NHEJ1: variants seen among roughly 807,000 people sequenced by gnomAD.
The protein encoded by NHEJ1 is non-homologous end joining factor 1.
A neutral mutation model predicts 39.4 loss-of-function variants in NHEJ1; 22 were observed. The ratio of observed to expected loss-of-function variants is 0.56; its 90% CI spans 0.40 to 0.80. The LOEUF is 0.80. Ranked by LOEUF, NHEJ1 falls within the 30% of genes least tolerant of loss-of-function variation. NHEJ1 has a pLI of 0.00. For synonymous variants in NHEJ1, 154 were observed against 135.6 expected (o/e 1.14, Z -0.94); for missense variants, 329 against 357.1 (o/e 0.92, Z 0.63).
intron 5 of NHEJ1, among the ~76,000 whole-genome samples, chr2:219,130,503 G>A (rs908041130): frequency 3.2e-4 from 6 of 18,908 alleles, no homozygotes; most frequent in South Asian, 1.3e-3. Context: ...AAAACAGAGC[G>A]GTAAATAGGG....
intron 5 of NHEJ1, among the ~76,000 whole-genome samples, chr2:219,099,910 G>A (rs1001204276): frequency 5.3e-5 from 8 of 152,184 alleles, no homozygotes; most frequent in Non-Finnish European, 2.9e-5. Flanking sequence ...GTAGGGCCCA[G>A]AAACCGGGGA....
At chr2:219,099,499 T>C (rs1949236909) in intron 5 of NHEJ1, among the ~76,000 whole-genome samples, 1 of 152,120 alleles carries the variant, frequency 6.6e-6, no homozygotes, top group African/African-American at 2.4e-5. Flanking sequence ...AAGGCAATAG[T>C]GAGTCAGGAG....
intron 5 of NHEJ1, among the ~76,000 whole-genome samples, chr2:219,119,666 T>A (rs1213295062): frequency 6.6e-6 from 1 of 152,126 alleles, no homozygotes; most frequent in Non-Finnish European, 1.5e-5. Flanking sequence ...GTAGAACAGA[T>A]CTTTGAATTG....
At chr2:219,157,386 G>A in intron 3 of NHEJ1, 86 bp downstream of exon 3, 1 of 1,195,166 alleles carries the variant, frequency 8.4e-7, no homozygotes, top group Non-Finnish European at 1.2e-6. Context: ...TTCAAACAAG[G>A]TTTGCAAAAA....
At chr2:219,076,544 GT>G in intron 7 of NHEJ1, 89 bp from the exon 8 acceptor site, 1 of 893,734 alleles carries the variant, frequency 1.1e-6, no homozygotes, top group Non-Finnish European at 1.7e-6. Flanking sequence ...ATGGCTCCTG[GT>G]TAGGATGAGG....
chr2:219,139,457 C>T (rs1574736541), intron 5 of NHEJ1, among the ~76,000 whole-genome samples: 1 of 152,182 alleles, frequency 6.6e-6, no homozygotes, highest in East Asian at 1.9e-4. Context: ...ATGGACAGGC[C>T]ACATAGCAAG....
intron 5 of NHEJ1, among the ~76,000 whole-genome samples, chr2:219,114,015 A>G (rs954491951): frequency 6.6e-6 from 1 of 152,198 alleles, no homozygotes; most frequent in African/African-American, 2.4e-5. Flanking sequence ...CTAGGCTAGG[A>G]AAGTGGGGCA....
At chr2:219,124,384 C>A (rs1949497451) in intron 5 of NHEJ1, among the ~76,000 whole-genome samples, 1 of 151,986 alleles carries the variant, frequency 6.6e-6, no homozygotes, top group Non-Finnish European at 1.5e-5. Flanking sequence ...CATATCTGAC[C>A]GTTTTGAAAT....
intron 3 of NHEJ1, among the ~76,000 whole-genome samples, chr2:219,153,438 C>A (rs747837259): frequency 1.3e-4 from 20 of 152,070 alleles, no homozygotes; most frequent in Admixed American, 9.2e-4. Context: ...AATCTGAAAG[C>A]TAAAATGTGG....
At chr2:219,136,964 T>A (rs536097142) in intron 5 of NHEJ1, among the ~76,000 whole-genome samples, 62 of 151,846 alleles carry the variant, frequency 4.1e-4, no homozygotes, top group African/African-American at 1.3e-3. Context: ...ACAATTTTTT[T>A]AAAAAATTAC....
intron 5 of NHEJ1, among the ~76,000 whole-genome samples, chr2:219,118,888 G>A (rs1949443186): frequency 6.6e-6 from 1 of 152,168 alleles, no homozygotes; most frequent in South Asian, 2.1e-4. Context: ...AATGGCGGCT[G>A]GTGGGAGCTG....
chr2:219,124,157 C>T (rs1949495651), intron 5 of NHEJ1, among the ~76,000 whole-genome samples: 1 of 152,134 alleles, frequency 6.6e-6, no homozygotes, highest in Non-Finnish European at 1.5e-5. Flanking sequence ...CCCTCTACAA[C>T]AGTCCGTCTC....
chr2:219,146,700 A>G lies in NHEJ1; in HGVS notation c.568T>C (p.Leu190=). The change falls in exon 5 of 8, where the codon TTG becomes CTG. Residue 190 remains leucine, a synonymous_variant. Coordinates refer to ENST00000356853, the MANE Select transcript of NHEJ1 (RefSeq NM_024782.3). ...KTEPFEENSF[L]EQFMIEKLPE... is the part of the protein sequence containing the mutation. ...CTTACCTCTATCATAAATTGTTCCA[A>G]GAAGGAATTTTCTTCAAATGGTTCT... is the stretch of plus-strand genomic sequence containing the variant. 1.2e-6 allele frequency: 2 copies of G among 1,611,896 alleles called. No homozygotes were observed. Among genetic ancestry groups the G allele is most frequent in the Non-Finnish European group, 1.7e-6 (2 of 1,177,892 alleles).
intron 3 of NHEJ1, among the ~76,000 whole-genome samples, chr2:219,153,101 C>T (rs1190150881): frequency 6.6e-6 from 1 of 152,120 alleles, no homozygotes; most frequent in Non-Finnish European, 1.5e-5. Flanking sequence ...CTGTGCCTGG[C>T]CCCAGCATCT....
chr2:219,109,014 T>C (rs905601436), intron 5 of NHEJ1, among the ~76,000 whole-genome samples: 1 of 152,188 alleles, frequency 6.6e-6, no homozygotes, highest in African/African-American at 2.4e-5. Context: ...GAACAAAGGA[T>C]TGGGACTAGA....
intron 5 of NHEJ1, among the ~76,000 whole-genome samples, chr2:219,098,669 G>A (rs1207961504): frequency 6.6e-6 from 1 of 152,182 alleles, no homozygotes; most frequent in East Asian, 1.9e-4. Context: ...AAACTAGGCA[G>A]GCTGGGTGCA....
chr2:219,158,148 C>G (rs573211335), intron 2 of NHEJ1, 38 bp downstream of exon 2: 1 of 1,611,768 alleles, frequency 6.2e-7, no homozygotes, highest in Non-Finnish European at 8.5e-7. Context: ...GGTTGATGTT[C>G]ACATCCCCGA....
intron 4 of NHEJ1, among the ~76,000 whole-genome samples, 169 bp from the exon 5 acceptor site, chr2:219,146,907 T>C (rs777978650): frequency 1.3e-5 from 2 of 152,070 alleles, no homozygotes; most frequent in Non-Finnish European, 2.9e-5. Flanking sequence ...GGGCAAAAAG[T>C]AGTGGGAGAG....
At chr2:219,136,955 C>A (rs1346318602) in intron 5 of NHEJ1, among the ~76,000 whole-genome samples, 1 of 150,886 alleles carries the variant, frequency 6.6e-6, no homozygotes, top group Non-Finnish European at 1.5e-5. Context: ...AAAATTTTAA[C>A]AATTTTTTTA....
Sources: allele counts gnomAD v4.1 joint callset (sites outside exome capture counted in the v4.1 genomes callset), GRCh38; gene constraint gnomAD v4.1.1; transcripts MANE v1.5; gene names NCBI Gene and HGNC (gene_info 2026-07-23, HGNC 2026-07-21).